The following TMEM150C variants were observed in gnomAD, a reference collection of about 807,000 sequenced individuals.
TMEM150C encodes the protein tentonin 3.
A neutral mutation model predicts 29.9 loss-of-function variants in TMEM150C; 10 were observed. That is an observed-to-expected ratio of 0.33 (90% CI 0.21 to 0.57). The LOEUF (loss-of-function observed/expected upper bound fraction) is 0.57, where lower values mean the gene tolerates loss of function less well. TMEM150C is among the 20% of genes least tolerant of loss of function. The pLI is 0.88. For missense variants in TMEM150C, 251 were observed against 303.6 expected (o/e 0.83, Z 1.29); for synonymous variants, 101 against 112.5 (o/e 0.90, Z 0.64).
At chr4:82,560,715 CA>C (rs1725892267) in intron 1 of TMEM150C, among the ~76,000 whole-genome samples, 1 of 152,218 alleles carries the variant, frequency 6.6e-6, no homozygotes, top group Non-Finnish European at 1.5e-5. Flanking sequence ...AATCCACACT[CA>C]ACTATCCTTT....
intron 1 of TMEM150C, among the ~76,000 whole-genome samples, chr4:82,506,809 A>G (rs1023028756): frequency 1.3e-5 from 2 of 152,232 alleles, no homozygotes; most frequent in African/African-American, 2.4e-5. Flanking sequence ...AAATAATTCC[A>G]TAAGTAGCCA....
At chr4:82,487,679 C>G (rs1464514735) in intron 7 of TMEM150C, among the ~76,000 whole-genome samples, 1 of 152,106 alleles carries the variant, frequency 6.6e-6, no homozygotes, top group Non-Finnish European at 1.5e-5. Context: ...TGTTCTCTAT[C>G]TAATGTGACT....
At chr4:82,486,014 T>G (rs2110059799) in intron 7 of TMEM150C, among the ~76,000 whole-genome samples, 1 of 152,246 alleles carries the variant, frequency 6.6e-6, no homozygotes, top group African/African-American at 2.4e-5. Flanking sequence ...TATTTGCCCT[T>G]AAATACTCTC....
At chr4:82,504,069 A>G (rs2110069819) in intron 2 of TMEM150C, among the ~76,000 whole-genome samples, 1 of 152,378 alleles carries the variant, frequency 6.6e-6, no homozygotes, top group East Asian at 1.9e-4. Context: ...CCGGCTTTGC[A>G]TAATTATTAC....
intron 1 of TMEM150C, among the ~76,000 whole-genome samples, chr4:82,542,029 A>G (rs958864851): frequency 1.2e-4 from 18 of 152,214 alleles, no homozygotes; most frequent in African/African-American, 4.1e-4. Context: ...TACACGTACA[A>G]AACAAGGACA....
intron 1 of TMEM150C, among the ~76,000 whole-genome samples, chr4:82,512,649 A>G (rs1336806161): frequency 6.6e-6 from 1 of 152,212 alleles, no homozygotes; most frequent in Non-Finnish European, 1.5e-5. Context: ...CAATTGTCAC[A>G]TGTCTAAAAT....
At chr4:82,561,759 GC>G in intron 1 of TMEM150C, 146 bp downstream of exon 1, 1 of 515,818 alleles carries the variant, frequency 1.9e-6, no homozygotes, top group Non-Finnish European at 2.5e-6. Context: ...GCCGAGCAGG[GC>G]CCCGCAGCCG....
At chr4:82,530,094 C>T (rs986556988) in intron 1 of TMEM150C, among the ~76,000 whole-genome samples, 3 of 151,172 alleles carry the variant, frequency 2.0e-5, no homozygotes, top group African/African-American at 7.3e-5. Flanking sequence ...ATCTCTCTCT[C>T]TCTCTCTCTC....
At chr4:82,488,560 T>C (rs898838705) in intron 7 of TMEM150C, among the ~76,000 whole-genome samples, 1 of 152,206 alleles carries the variant, frequency 6.6e-6, no homozygotes, top group Non-Finnish European at 1.5e-5. Context: ...TTCCTTTCTC[T>C]GGTTTTCTGA....
chr4:82,503,011 T>C (rs1285483135), intron 3 of TMEM150C, 48 bp downstream of exon 3: 1 of 1,607,364 alleles, frequency 6.2e-7, no homozygotes. Flanking sequence ...GGGAAAGTTT[T>C]TGCTAAATCT....
rs373539549 is a variant in TMEM150C, at chr4:82,518,134, G to T, written c.-10-13467C>A. Among the ~76,000 whole-genome samples, 3 of 152,030 alleles carry T rather than the reference G, an allele frequency of 2.0e-5. No individual in the cohort carries two copies. The East Asian group carries it at 5.8e-4, about 29-fold the overall frequency. On this transcript the variant is annotated intron_variant, in intron 1 of 7. Transcript: ENST00000449862. ...AGTTCGAGACCAGCCTGGCCAACAT[G>T]GTGAAACTCCATCTCTACTAAAACT...
chr4:82,491,374 G>A (rs1723341100), intron 6 of TMEM150C: 4 of 640,370 alleles, frequency 6.2e-6, no homozygotes, highest in Non-Finnish European at 1.1e-5. Context: ...GGGCCTGGGT[G>A]AACTGGTTAA....
chr4:82,528,862 C>T (rs184344835), intron 1 of TMEM150C, among the ~76,000 whole-genome samples: 1 of 152,006 alleles, frequency 6.6e-6, no homozygotes, highest in Non-Finnish European at 1.5e-5. Flanking sequence ...CCAAAGTATC[C>T]TTGTCCTCTT....
intron 1 of TMEM150C, among the ~76,000 whole-genome samples, chr4:82,509,330 A>C (rs1724041954): frequency 6.6e-6 from 1 of 152,132 alleles, no homozygotes; most frequent in Non-Finnish European, 1.5e-5. Flanking sequence ...CCCACTATTG[A>C]CATTTTTGTT....
At position 82,532,093 on chromosome 4, in the gene TMEM150C, T is replaced by C. The variant is rs1218470938; in HGVS notation, c.-10-27426A>G. Reference sequence around the variant, plus strand: ...AGGATCAAAGAAAGATTTTGTTTTTTGAGAGAGCTACAGTAAAACAGCACA... The same window carrying C: ...AGGATCAAAGAAAGATTTTGTTTTTCGAGAGAGCTACAGTAAAACAGCACA... On this transcript the variant is annotated intron_variant, in intron 1 of 7. Transcript: ENST00000449862. Among the ~76,000 whole-genome samples, 3 of 152,334 alleles carry C rather than the reference T, an allele frequency of 2.0e-5. No homozygotes were observed. In the East Asian group the frequency reaches 5.8e-4, roughly 29 times the overall value.
chr4:82,515,387 T>C (rs1724258373), intron 1 of TMEM150C, among the ~76,000 whole-genome samples: 1 of 152,192 alleles, frequency 6.6e-6, no homozygotes, highest in South Asian at 2.1e-4. Flanking sequence ...ATGACTAATT[T>C]CATTTTATAG....
At chr4:82,529,047 G>A (rs1724747751) in intron 1 of TMEM150C, among the ~76,000 whole-genome samples, 1 of 151,028 alleles carries the variant, frequency 6.6e-6, no homozygotes, top group Non-Finnish European at 1.5e-5. Context: ...GCAGGGGGCA[G>A]TCAGCACACA....
chr4:82,496,174 C>T lies in TMEM150C; in HGVS notation c.257G>A (p.Arg86His), dbSNP rs931722430. 6.2e-6 allele frequency: 10 copies of T among 1,613,762 alleles called. No individual in the cohort carries two copies. In the Admixed American group the frequency reaches 8.3e-5, roughly 13 times the overall value. ...AACCTTCGGTTTCAGTTGTATGAAG[C>T]GCAGAACAGCTACCACAAGGGCTAG... is the stretch of plus-strand genomic sequence containing the variant. ...AFLALVVAVL[R>H]FIQLKPKVLN... Residue 86 changes from arginine (R) to histidine (H), a missense_variant, in exon 6 of 8, where the codon CGC becomes CAC. Arg to His is a conservative substitution (Grantham distance 29, BLOSUM62 0). Transcript: ENST00000449862.
At chr4:82,494,911 C>T (rs1270482916) in intron 6 of TMEM150C, 3 of 549,126 alleles carry the variant, frequency 5.5e-6, no homozygotes, top group Non-Finnish European at 1.0e-5. Flanking sequence ...ACAACTTGTT[C>T]CTTGCGCTTC....
Sources: gnomAD v4.1 joint callset for allele counts (sites outside exome capture counted in the v4.1 genomes callset) on GRCh38, gnomAD v4.1.1 for gene constraint, MANE v1.5 for transcripts, NCBI Gene and HGNC (gene_info 2026-07-23, HGNC 2026-07-21) for gene names.